The following FSTL4 variants were observed in gnomAD, a reference collection of about 807,000 sequenced individuals.
FSTL4 encodes follistatin-related protein 4.
FSTL4 carries 28 observed loss-of-function variants against 78.2 expected under a neutral mutation model. The observed-to-expected ratio is 0.36, with a 90% CI of 0.27 to 0.49. The LOEUF (loss-of-function observed/expected upper bound fraction) is 0.49. Among genes scored for constraint, FSTL4 ranks in the 20% least tolerant of loss-of-function variants. FSTL4 has a pLI of 0.98. For synonymous variants in FSTL4, 422 were observed against 440.5 expected, an observed-to-expected ratio of 0.96 and a Z score of 0.53; for missense variants, 922 against 1,084.9, an observed-to-expected ratio of 0.85 and a Z score of 2.11.
chr5:133,813,693 A>T, the FSTL4 span, among the ~76,000 whole-genome samples: 1 of 152,188 alleles, frequency 6.6e-6, no homozygotes, highest in East Asian at 1.9e-4. Context: ...GCATGCCTTA[A>T]ATTTGCTGCA....
In FSTL4 at chr5:133,328,660, G is replaced by A. The variant is rs565216789; in HGVS notation, c.410-12008C>T. Among the ~76,000 whole-genome samples the A allele has an allele frequency of 5.9e-5, 9 of 152,242 alleles. No individual in the cohort carries two copies. In the East Asian group the frequency reaches 1.4e-3, roughly 23 times the overall value. On this transcript the variant is annotated intron_variant, in intron 4 of 15. Coordinates refer to ENST00000265342, the MANE Select transcript of FSTL4 (RefSeq NM_015082.2). ...TGGGCAACAGCTTCTTATGAACTCCGGCTCCCCCTTTGCCCTGTCCAGCAG... is the reference window on the plus strand; with the variant it reads ...TGGGCAACAGCTTCTTATGAACTCCAGCTCCCCCTTTGCCCTGTCCAGCAG...
intron 4 of FSTL4, among the ~76,000 whole-genome samples, chr5:133,322,117 C>T (rs2126898394): frequency 6.6e-6 from 1 of 152,152 alleles, no homozygotes; most frequent in South Asian, 2.1e-4. Flanking sequence ...CTGGAAATTC[C>T]CTATGCTCTG....
At chr5:133,318,698 G>A (rs1166838707) in intron 4 of FSTL4, among the ~76,000 whole-genome samples, 1 of 152,256 alleles carries the variant, frequency 6.6e-6, no homozygotes, top group Non-Finnish European at 1.5e-5. Context: ...AAACACCGGT[G>A]GACAATCAGG....
At chr5:133,332,088 T>C (rs1038044023) in intron 4 of FSTL4, among the ~76,000 whole-genome samples, 8 of 151,818 alleles carry the variant, frequency 5.3e-5, no homozygotes, top group Non-Finnish European at 1.2e-4. Context: ...CGAGGGAGGG[T>C]TGGCAGTGGG....
At chr5:133,371,530 A>G (rs1048755471) in intron 4 of FSTL4, among the ~76,000 whole-genome samples, 5 of 152,190 alleles carry the variant, frequency 3.3e-5, no homozygotes, top group African/African-American at 1.2e-4. Context: ...GAGTGTCCCT[A>G]CAGGGCCTCC....
chr5:133,380,757 A>G (rs1431639242), intron 4 of FSTL4, among the ~76,000 whole-genome samples: 1 of 151,084 alleles, frequency 6.6e-6, no homozygotes, highest in Non-Finnish European at 1.5e-5. Context: ...TTATAGATAT[A>G]AAAAAATCCT....
At chr5:133,831,538 T>A in the FSTL4 span, among the ~76,000 whole-genome samples, 1 of 152,240 alleles carries the variant, frequency 6.6e-6, no homozygotes, top group Non-Finnish European at 1.5e-5. Flanking sequence ...ACGACTCTTA[T>A]AGGACATTTA....
rs565675263 is a variant in FSTL4, at chr5:133,556,217, T to C, written c.160+10969A>G. Among the ~76,000 whole-genome samples, 12 of 152,350 alleles carry C rather than the reference T, an allele frequency of 7.9e-5. 1 individual carries two copies. The South Asian group carries it at 1.0e-3, about 13-fold the overall frequency. On this transcript the variant is annotated intron_variant, in intron 3 of 15. Coordinates refer to ENST00000265342, the MANE Select transcript of FSTL4 (RefSeq NM_015082.2). ...CCTCAGTGAAGCCCATTTTAATTCTTTGATCAATTTCCTACAGAGTACAAA... is the reference window on the plus strand; with the variant it reads ...CCTCAGTGAAGCCCATTTTAATTCTCTGATCAATTTCCTACAGAGTACAAA...
intron 6 of FSTL4, among the ~76,000 whole-genome samples, chr5:133,269,006 C>A (rs1581582451): frequency 6.6e-6 from 1 of 151,866 alleles, no homozygotes; most frequent in Admixed American, 6.6e-5. Context: ...ACGGTGAAAC[C>A]CCATCTCTAC....
chr5:133,837,071 G>A, the FSTL4 span, among the ~76,000 whole-genome samples: 1 of 152,004 alleles, frequency 6.6e-6, no homozygotes, highest in Non-Finnish European at 1.5e-5. Context: ...ACGCATGTTA[G>A]ACCATTTTAC....
At chr5:133,379,450 T>C (rs139207967) in intron 4 of FSTL4, among the ~76,000 whole-genome samples, 1 of 152,026 alleles carries the variant, frequency 6.6e-6, no homozygotes, top group East Asian at 1.9e-4. Flanking sequence ...AGAATGCACA[T>C]TTTTCTCAAG....
the FSTL4 span, among the ~76,000 whole-genome samples, chr5:133,809,574 A>G: frequency 2.0e-5 from 3 of 151,746 alleles, no homozygotes; most frequent in African/African-American, 7.3e-5. Context: ...CAAGAAATAA[A>G]GTCCACCCCC....
At chr5:133,320,768 G>A (rs1580613447) in intron 4 of FSTL4, among the ~76,000 whole-genome samples, 1 of 152,178 alleles carries the variant, frequency 6.6e-6, no homozygotes, top group Admixed American at 6.5e-5. Flanking sequence ...AGCACTTTGG[G>A]AGGCCGAGGC....
At chr5:133,580,866 C>T (rs1208929530) in intron 2 of FSTL4, among the ~76,000 whole-genome samples, 1 of 152,164 alleles carries the variant, frequency 6.6e-6, no homozygotes, top group Non-Finnish European at 1.5e-5. Flanking sequence ...TAAGCAATTA[C>T]CCACGCCAGG....
intron 4 of FSTL4, among the ~76,000 whole-genome samples, chr5:133,386,724 C>A (rs919425602): frequency 2.0e-5 from 3 of 152,130 alleles, no homozygotes; most frequent in Non-Finnish European, 2.9e-5. Flanking sequence ...CGAGAAGGAA[C>A]CCAGGCAGAA....
chr5:133,715,405 C>T, the FSTL4 span, among the ~76,000 whole-genome samples: 3 of 152,172 alleles, frequency 2.0e-5, no homozygotes, highest in South Asian at 2.1e-4. Flanking sequence ...TGGCATGGTA[C>T]CCTGAGTGCT....
At chr5:133,776,280 C>G in the FSTL4 span, among the ~76,000 whole-genome samples, 75 of 152,264 alleles carry the variant, frequency 4.9e-4, no homozygotes, top group African/African-American at 1.6e-3. Context: ...GTGTTTATGT[C>G]CCAAGCTGCC....
At chr5:133,610,067 T>C (rs572613864) in intron 1 of FSTL4, among the ~76,000 whole-genome samples, 61 of 152,326 alleles carry the variant, frequency 4.0e-4, no homozygotes, top group South Asian at 6.2e-4. Flanking sequence ...AGTCTCTGAA[T>C]ATAGTGTTAA....
chr5:133,274,390 T>TTTTTTTTTC, intron 6 of FSTL4, among the ~76,000 whole-genome samples: 1 of 147,846 alleles, frequency 6.8e-6, no homozygotes, highest in African/African-American at 2.5e-5. Context: ...CTTTTTTTTT[T>TTTTTTTTTC]TTTTTTAGGA....
Sources: allele counts gnomAD v4.1 joint callset (sites outside exome capture counted in the v4.1 genomes callset), GRCh38; gene constraint gnomAD v4.1.1; transcripts MANE v1.5; gene names NCBI Gene and HGNC (gene_info 2026-07-23, HGNC 2026-07-21).